LHPP: variants seen among roughly 807,000 people sequenced by gnomAD.
The protein encoded by LHPP is phospholysine phosphohistidine inorganic pyrophosphate phosphatase.
LHPP carries 24 observed loss-of-function variants against 30.3 expected under a neutral mutation model. The ratio of observed to expected loss-of-function variants is 0.79; its 90% CI spans 0.57 to 1.11. LHPP has a LOEUF of 1.11. Ranked by LOEUF, LHPP falls within the 50% of genes most tolerant of loss-of-function variation. The probability of loss-of-function intolerance (pLI) is 0.00; values close to 1 mark genes in which losing one functional copy is unlikely to be tolerated. For synonymous variants in LHPP, 150 were observed against 157.1 expected, an observed-to-expected ratio of 0.95 and a Z score of 0.34; for missense variants, 356 against 367.2, an observed-to-expected ratio of 0.97 and a Z score of 0.25.
chr10:124,546,839 T>C (rs939913968), intron 6 of LHPP, among the ~76,000 whole-genome samples: 1 of 152,238 alleles, frequency 6.6e-6, no homozygotes, highest in Non-Finnish European at 1.5e-5. Context: ...TACTTTGTTT[T>C]ATATCAGTTT....
intron 1 of LHPP, among the ~76,000 whole-genome samples, chr10:124,467,379 C>T (rs1190096163): frequency 9.5e-6 from 1 of 105,158 alleles, no homozygotes; most frequent in African/African-American, 3.9e-5. Flanking sequence ...GAACAGCTGG[C>T]AGGGTGGAGA....
chr10:124,504,259 C>T (rs949853284), intron 5 of LHPP, among the ~76,000 whole-genome samples: 3 of 151,634 alleles, frequency 2.0e-5, no homozygotes, highest in Non-Finnish European at 4.4e-5. Flanking sequence ...TTCCCCCGAC[C>T]CAAAACCCAA....
At chr10:124,462,485 C>T (rs1952432964) in intron 1 of LHPP, among the ~76,000 whole-genome samples, 1 of 151,962 alleles carries the variant, frequency 6.6e-6, no homozygotes, top group South Asian at 2.1e-4. Flanking sequence ...GGCCCAGCCA[C>T]TTGGGAGGCT....
intron 6 of LHPP, among the ~76,000 whole-genome samples, chr10:124,533,375 G>A (rs1479673302): frequency 6.6e-6 from 1 of 152,204 alleles, no homozygotes; most frequent in Non-Finnish European, 1.5e-5. Context: ...GTGGGGGGTT[G>A]GATGGACCAT....
intron 2 of LHPP, among the ~76,000 whole-genome samples, chr10:124,485,005 C>T (rs1483573201): frequency 1.3e-5 from 2 of 152,150 alleles, no homozygotes; most frequent in Non-Finnish European, 2.9e-5. Context: ...GTCCACTGCA[C>T]CTTCTTCCTT....
chr10:124,540,510 A>G (rs1325866888), intron 6 of LHPP, among the ~76,000 whole-genome samples: 1 of 152,244 alleles, frequency 6.6e-6, no homozygotes, highest in Non-Finnish European at 1.5e-5. Flanking sequence ...CCTGAGGCAC[A>G]GCACAGCCTC....
intron 5 of LHPP, among the ~76,000 whole-genome samples, chr10:124,505,730 G>C (rs568835455): frequency 2.6e-5 from 4 of 152,318 alleles, no homozygotes; most frequent in Admixed American, 2.0e-4. Flanking sequence ...GCACCCAAGT[G>C]ATGTGAAGGT....
intron 6 of LHPP, among the ~76,000 whole-genome samples, chr10:124,597,949 C>T (rs1317533814): frequency 1.3e-5 from 2 of 152,236 alleles, no homozygotes; most frequent in Admixed American, 6.5e-5. Flanking sequence ...TCTGCCAAAG[C>T]GAGCCTTTTA....
chr10:124,521,365 C>A (rs371220895), intron 6 of LHPP, among the ~76,000 whole-genome samples: 1 of 152,384 alleles, frequency 6.6e-6, no homozygotes, highest in South Asian at 2.1e-4. Flanking sequence ...GGCACCTCAG[C>A]ACGGCCCCAT....
intron 3 of LHPP, among the ~76,000 whole-genome samples, chr10:124,495,798 A>G (rs1197955387): frequency 6.6e-6 from 1 of 152,210 alleles, no homozygotes; most frequent in Non-Finnish European, 1.5e-5. Context: ...CAGCTTCTGC[A>G]TGGAAGGTAC....
intron 6 of LHPP, among the ~76,000 whole-genome samples, chr10:124,601,529 G>A (rs114896076): frequency 6.6e-6 from 1 of 152,214 alleles, no homozygotes; most frequent in Non-Finnish European, 1.5e-5. Flanking sequence ...CAACCCGCTG[G>A]TGGGCGGCCA....
intron 1 of LHPP, among the ~76,000 whole-genome samples, chr10:124,480,010 A>G (rs185166877): frequency 1.3e-5 from 2 of 152,352 alleles, no homozygotes; most frequent in African/African-American, 4.8e-5. Context: ...TACCTTGGGC[A>G]CGAGGACAAA....
rs1476673270 is a variant in LHPP at position 124,496,997 on chromosome 10, C to A, written c.504C>A (p.Asp168Glu). Reference protein sequence around the residue: ...YYKETSGLMLDVGPYMKALEY... With the variant: ...YYKETSGLMLEVGPYMKALEY... ...AGGAGACCTCTGGCCTGATGCTGGACGTTGGTCCCTACATGAAGGCGCTTG... is the reference window on the plus strand; with the variant it reads ...AGGAGACCTCTGGCCTGATGCTGGAAGTTGGTCCCTACATGAAGGCGCTTG... Residue 168 changes from aspartate to glutamate, a missense_variant, in exon 4 of 7, where the codon GAC (aspartate) becomes GAA (glutamate). Coordinates refer to ENST00000368842, the MANE Select transcript of LHPP (RefSeq NM_022126.4). This position sits in a 1 kb window ranked among gnomAD's most constrained non-coding sequence, Gnocchi z 4.3. 1 of 1,614,120 alleles carries A rather than the reference C, an allele frequency of 6.2e-7. No individual in the cohort carries two copies. The highest frequency in any genetic ancestry group is 1.7e-5 in the Admixed American group (1 of 60,022).
In LHPP at chr10:124,499,031, A is replaced by G. The variant is rs575879997; in HGVS notation, c.624+903A>G. Among the ~76,000 whole-genome samples the G allele has an allele frequency of 4.4e-3, 663 of 149,518 alleles. 7 individuals carry two copies. Among genetic ancestry groups the G allele is most frequent in the South Asian group, 0.024 (116 of 4,800 alleles). On this transcript the variant is annotated intron_variant, in intron 5 of 6. Coordinates refer to ENST00000368842, the MANE Select transcript of LHPP (RefSeq NM_022126.4). Reference sequence around the variant, plus strand: ...TGATGAGCTGGGACTACAGGTGTGCACCACCACACCAGCTAATTTTTTATT... The same window carrying G: ...TGATGAGCTGGGACTACAGGTGTGCGCCACCACACCAGCTAATTTTTTATT...
intron 2 of LHPP, among the ~76,000 whole-genome samples, chr10:124,485,881 G>A (rs773773346): frequency 5.3e-5 from 8 of 152,144 alleles, no homozygotes; most frequent in East Asian, 1.9e-4. Context: ...GATTACAGGC[G>A]TGAGCCACCG....
intron 3 of LHPP, among the ~76,000 whole-genome samples, chr10:124,489,219 AT>A (rs1258558534): frequency 6.6e-6 from 1 of 152,216 alleles, no homozygotes; most frequent in Non-Finnish European, 1.5e-5. Flanking sequence ...ACCAGAAAGT[AT>A]TTTTAGTCCC....
intron 5 of LHPP, among the ~76,000 whole-genome samples, chr10:124,511,946 C>T (rs1171734946): frequency 6.6e-6 from 1 of 152,062 alleles, no homozygotes; most frequent in African/African-American, 2.4e-5. Context: ...TGGTTGGCCC[C>T]TTTTGCTTGT....
intron 6 of LHPP, among the ~76,000 whole-genome samples, chr10:124,572,033 G>A (rs535296720): frequency 2.1e-4 from 32 of 152,316 alleles, no homozygotes; most frequent in African/African-American, 7.7e-4. Flanking sequence ...AGAGCCCCTT[G>A]GGTGTTGGAG....
chr10:124,580,908 G>A (rs1324400894), intron 6 of LHPP, among the ~76,000 whole-genome samples: 4 of 151,976 alleles, frequency 2.6e-5, no homozygotes, highest in African/African-American at 4.8e-5. Context: ...TAGTAGAGAC[G>A]GGGTTTCGCC....
Sources: gnomAD v4.1 joint callset for allele counts (sites outside exome capture counted in the v4.1 genomes callset) on GRCh38, gnomAD v4.1.1 for gene constraint, Gnocchi (gnomAD v3.1) non-coding constraint, MANE v1.5 for transcripts, NCBI Gene and HGNC (gene_info 2026-07-23, HGNC 2026-07-21) for gene names.